Variants in PIGH observed in about 807,000 individuals in gnomAD.
The protein encoded by PIGH is phosphatidylinositol N-acetylglucosaminyltransferase subunit H.
A neutral mutation model predicts 20.1 loss-of-function variants in PIGH; 11 were observed. The ratio of observed to expected loss-of-function variants is 0.55; its 90% CI spans 0.34 to 0.91. The LOEUF (loss-of-function observed/expected upper bound fraction) is 0.91, where lower values mean the gene tolerates loss of function less well. Ranked by LOEUF, PIGH falls within the 40% of genes least tolerant of loss-of-function variation. PIGH has a pLI of 0.02. For missense variants in PIGH, 189 were observed against 233.6 expected, an observed-to-expected ratio of 0.81 and a Z score of 1.24; for synonymous variants, 72 against 93.1, an observed-to-expected ratio of 0.77 and a Z score of 1.31.
Position 67,600,137 on chromosome 14 carries a change from A to G in PIGH, c.67T>C (p.Ser23Pro). The G allele has an allele frequency of 1.3e-6, 2 of 1,594,922 alleles. No individual in the cohort carries two copies. Among genetic ancestry groups the G allele is most frequent in the Admixed American group, 1.7e-5 (1 of 57,630 alleles). Residue 23 changes from serine (S) to proline (P), a missense_variant, in exon 1 of 4, where the codon TCC becomes CCC. Coordinates refer to ENST00000216452, the MANE Select transcript of PIGH (RefSeq NM_004569.5). ...AGGCAGAATTCCCGGCAGGACGGGG[A>G]GTAGTAGCGGCGCTGCAGCGCCAGG... Reference protein sequence around the residue: ...GRLALQRRYYSPSCREFCLSC... With the variant: ...GRLALQRRYYPPSCREFCLSC...
chr14:67,593,788 T>G lies in PIGH; in HGVS notation c.345A>C (p.Glu115Asp). ...ASGKESTTFI[E>D]MGKVKDIVIN... ...TGACAATATCCTTGACCTTGCCCAT[T>G]TCTATGAAGGTAGTGCTTTCTTTGC... Residue 115 changes from glutamate to aspartate, a missense_variant, in exon 2 of 4, where the codon GAA (glutamate) becomes GAC (aspartate). Glu to Asp is a conservative substitution (Grantham distance 45, BLOSUM62 2). Transcript: ENST00000216452. The G allele has an allele frequency of 6.2e-7, 1 of 1,613,788 alleles. No individual in the cohort carries two copies. Among genetic ancestry groups the G allele is most frequent in the Non-Finnish European group, 8.5e-7 (1 of 1,179,672 alleles).
intron 1 of PIGH, 120 bp downstream of exon 1, chr14:67,599,904 T>G (rs2036544257): frequency 1.3e-6 from 1 of 769,980 alleles, no homozygotes; most frequent in African/African-American, 1.8e-5. Flanking sequence ...GTTCCCGCCC[T>G]CCTGTCCTAT....
chr14:67,595,099 T>A (rs1470809937), intron 1 of PIGH, among the ~76,000 whole-genome samples: 1 of 151,964 alleles, frequency 6.6e-6, no homozygotes, highest in Non-Finnish European at 1.5e-5. Context: ...ATCGCGCCAC[T>A]GCACTCCAGC....
Position 67,600,153 on chromosome 14 carries a change from C to A in PIGH, c.51G>T (p.Leu17=), listed in dbSNP as rs2036552116. The change falls in exon 1 of 4, where the codon CTG becomes CTT. Residue 17 remains leucine (L), a synonymous_variant. Transcript: ENST00000216452. ...AGGACGGGGAGTAGTAGCGGCGCTGCAGCGCCAGGCGGCCGCCGCAGATAT... is the reference window on the plus strand; with the variant it reads ...AGGACGGGGAGTAGTAGCGGCGCTGAAGCGCCAGGCGGCCGCCGCAGATAT... ...FSDICGGRLA[L]QRRYYSPSCR... The A allele has an allele frequency of 1.9e-6, 3 of 1,591,436 alleles. No homozygotes were observed.
rs1171914679 is a variant in PIGH at position 67,597,563 on chromosome 14, G to A, written c.180+2461C>T. Among the ~76,000 whole-genome samples, 4 of 152,146 alleles carry A rather than the reference G, an allele frequency of 2.6e-5. No individual in the cohort carries two copies. In the South Asian group the frequency reaches 8.3e-4, roughly 32 times the overall value. Reference sequence around the variant, plus strand: ...AATTATTTGTTGATTGATGAATGGAGGATTCAGTACTGGGTCTCTGATGAT... The same window carrying A: ...AATTATTTGTTGATTGATGAATGGAAGATTCAGTACTGGGTCTCTGATGAT... On this transcript the variant is annotated intron_variant, in intron 1 of 3. Coordinates refer to ENST00000216452, the MANE Select transcript of PIGH (RefSeq NM_004569.5).
At chr14:67,593,418 G>A in intron 2 of PIGH, 1 of 280,832 alleles carries the variant, frequency 3.6e-6, no homozygotes, top group South Asian at 3.8e-5. Flanking sequence ...TTGAGCCTGG[G>A]AAGTTGAGGC....
intron 3 of PIGH, chr14:67,592,307 G>A (rs766979807): frequency 9.2e-6 from 4 of 435,182 alleles, no homozygotes; most frequent in South Asian, 3.9e-5. Context: ...AGGCGAGATG[G>A]TGCACACCTG....
At position 67,594,030 on chromosome 14, in the gene PIGH, T is replaced by C. The variant is rs546138985; in HGVS notation, c.181-78A>G. 19 of 925,310 alleles carry C rather than the reference T, an allele frequency of 2.1e-5. No individual in the cohort carries two copies. In the East Asian group the frequency reaches 4.9e-4, roughly 24 times the overall value. 57.3% of individuals were successfully genotyped at this position (925,310 alleles called of 1,614,324 possible). A position where few individuals can be genotyped will look rare whatever the true frequency, so the allele number is the denominator to read the frequency against. ...CTCCAGGCAATGAGGGGAACATGCA[T>C]GGAGGAAAAGGAAATTGCTTTTATT... On this transcript the variant is annotated intron_variant, in intron 1 of 3. Coordinates refer to ENST00000216452, the MANE Select transcript of PIGH (RefSeq NM_004569.5).
Position 67,600,165 on chromosome 14 carries a change from GC to G in PIGH, c.38del (p.Gly13AlafsTer51). The G allele has an allele frequency of 6.3e-7, 1 of 1,589,100 alleles. No homozygotes were observed. The highest frequency in any genetic ancestry group is 8.6e-7 in the Non-Finnish European group (1 of 1,168,872). The stretch of plus-strand genomic sequence containing the variant: ...AGTAGCGGCGCTGCAGCGCCAGGCG[GC>G]CGCCGCAGATATCCGAAAAGCTCCG... ...DERSFSDICG[G>X]RLALQRRYYS... On this transcript the variant is annotated frameshift_variant, in exon 1 of 4. Transcript: ENST00000216452. LOFTEE classifies it high-confidence loss of function.
At chr14:67,594,176 A>G (rs2036428032) in intron 1 of PIGH, among the ~76,000 whole-genome samples, 1 of 152,210 alleles carries the variant, frequency 6.6e-6, no homozygotes, top group Non-Finnish European at 1.5e-5. Flanking sequence ...TTTTTCTTCC[A>G]AAATTCCAAC....
In PIGH at chr14:67,589,371, C is replaced by G; in HGVS notation, c.*709G>C. The stretch of plus-strand genomic sequence containing the variant: ...GAGTCCCATGTCTGAAAACCAAAGT[C>G]CAATTTCTGTCTGGCCTTTTGTCTC... On this transcript the variant is annotated 3_prime_UTR_variant, in exon 4 of 4. Coordinates refer to ENST00000216452, the MANE Select transcript of PIGH (RefSeq NM_004569.5). The G allele has an allele frequency of 5.1e-6, 5 of 984,742 alleles. No homozygotes were observed. The highest frequency in any genetic ancestry group is 6.0e-6 in the Non-Finnish European group (5 of 829,402). 61.0% of individuals were successfully genotyped at this position (984,742 alleles called of 1,614,324 possible).
At chr14:67,597,607 G>A (rs191570530) in intron 1 of PIGH, among the ~76,000 whole-genome samples, 34 of 152,232 alleles carry the variant, frequency 2.2e-4, no homozygotes, top group African/African-American at 6.5e-4. Context: ...ATCTAATTTT[G>A]AGTTAATTAA....
chr14:67,589,451 CAG>C lies in PIGH; in HGVS notation c.*627_*628del. 1 of 985,256 alleles carries C rather than the reference CAG, an allele frequency of 1.0e-6. No individual in the cohort carries two copies. The highest frequency in any genetic ancestry group is 1.7e-5 in the African/African-American group (1 of 57,318). 61.0% of individuals were successfully genotyped at this position (985,256 alleles called of 1,614,324 possible). A position where few individuals can be genotyped will look rare whatever the true frequency, so the allele number is the denominator to read the frequency against. On this transcript the variant is annotated 3_prime_UTR_variant, in exon 4 of 4. Coordinates refer to ENST00000216452, the MANE Select transcript of PIGH (RefSeq NM_004569.5). ...TGATATAAAAAAAAATGCTGAGTAACAGAAAAGTATTAATGTGCTTGACACCA... is the reference window on the plus strand; with the variant it reads ...TGATATAAAAAAAAATGCTGAGTAACAAAAGTATTAATGTGCTTGACACCA...
intron 1 of PIGH, among the ~76,000 whole-genome samples, chr14:67,598,071 GAATTCAAAC>G (rs1298524938): frequency 4.6e-5 from 7 of 152,098 alleles, no homozygotes; most frequent in Non-Finnish European, 1.0e-4. Context: ...TTTCTGTGTA[GAATTCAAAC>G]AATTCAATAT....
intron 1 of PIGH, among the ~76,000 whole-genome samples, chr14:67,598,258 G>T (rs1319010957): frequency 1.3e-5 from 2 of 152,114 alleles, no homozygotes; most frequent in Non-Finnish European, 2.9e-5. Context: ...AGGAAGATGC[G>T]GTCACTGATT....
intron 1 of PIGH, among the ~76,000 whole-genome samples, chr14:67,598,990 G>T (rs1272066811): frequency 6.6e-6 from 1 of 152,264 alleles, no homozygotes; most frequent in East Asian, 1.9e-4. Flanking sequence ...GATTACAGGC[G>T]TGAGGTACAG....
chr14:67,592,425 G>T (rs1368502461), intron 3 of PIGH: 1 of 527,388 alleles, frequency 1.9e-6, no homozygotes. Context: ...GTGACAAAGT[G>T]AGACTCTGTC....
At chr14:67,595,239 T>C (rs1296573794) in intron 1 of PIGH, among the ~76,000 whole-genome samples, 2 of 152,176 alleles carry the variant, frequency 1.3e-5, no homozygotes, top group East Asian at 3.8e-4. Flanking sequence ...GTGTGGTAAA[T>C]CTCATATAAT....
intron 3 of PIGH, chr14:67,591,975 G>A (rs1302059028): frequency 2.0e-5 from 3 of 151,714 alleles, no homozygotes; most frequent in Non-Finnish European, 4.4e-5. Context: ...GCCTTTGTAG[G>A]ATACATACAT....
Sources: gnomAD v4.1 joint callset for allele counts (sites outside exome capture counted in the v4.1 genomes callset) on GRCh38, gnomAD v4.1.1 for gene constraint, MANE v1.5 for transcripts, NCBI Gene and HGNC (gene_info 2026-07-23, HGNC 2026-07-21) for gene names.